The following RHOJ variants were observed in gnomAD, a reference collection of about 807,000 sequenced individuals.
The protein encoded by RHOJ is rho-related GTP-binding protein RhoJ.
RHOJ carries 11 observed loss-of-function variants against 23.4 expected under a neutral mutation model. The observed-to-expected ratio is 0.47, with a 90% CI of 0.30 to 0.78. The LOEUF (loss-of-function observed/expected upper bound fraction) is 0.78, where lower values mean the gene tolerates loss of function less well. Among genes scored for constraint, RHOJ ranks in the 30% least tolerant of loss-of-function variants. The probability of loss-of-function intolerance (pLI) is 0.08; values close to 1 mark genes in which losing one functional copy is unlikely to be tolerated. For synonymous variants in RHOJ, 102 were observed against 102.7 expected (o/e 0.99, Z 0.04); for missense variants, 254 against 273.4 (o/e 0.93, Z 0.50).
Position 63,291,079 on chromosome 14 carries a change from C to G in RHOJ, c.*55C>G. 1 of 1,602,546 alleles carries G rather than the reference C, an allele frequency of 6.2e-7. No individual in the cohort carries two copies. The highest frequency in any genetic ancestry group is 8.5e-7 in the Non-Finnish European group (1 of 1,172,294). ...CAGGGATGAGAATGGCAGCCAATCT[C>G]TGTGGCCAAGCTCCAGCCAAAAAGG... On this transcript the variant is annotated 3_prime_UTR_variant, in exon 5 of 5. Transcript: ENST00000316754.
chr14:63,284,991 A>T (rs1212223891), intron 4 of RHOJ, among the ~76,000 whole-genome samples: 1 of 152,202 alleles, frequency 6.6e-6, no homozygotes, highest in Non-Finnish European at 1.5e-5. Context: ...TAGCTTACAA[A>T]ATCCAATTTA....
intron 1 of RHOJ, among the ~76,000 whole-genome samples, chr14:63,246,190 C>G (rs527418703): frequency 1.3e-5 from 2 of 152,282 alleles, no homozygotes; most frequent in South Asian, 4.1e-4. Context: ...CACATCCTCT[C>G]TACTCACCAC....
intron 1 of RHOJ, among the ~76,000 whole-genome samples, chr14:63,216,730 T>C (rs1344565196): frequency 6.6e-6 from 1 of 152,194 alleles, no homozygotes; most frequent in Non-Finnish European, 1.5e-5. Context: ...TTAACCAAAC[T>C]TTTCAAAAGA....
In RHOJ at chr14:63,293,423, A is replaced by T. The variant is rs1018487130; in HGVS notation, c.*2399A>T. ...CACGTCACCCAGAACCAGCAACTGG[A>T]TAGAGACTGTTGTTAGTGTCTGGGT... is the stretch of plus-strand genomic sequence containing the variant. On this transcript the variant is annotated 3_prime_UTR_variant, in exon 5 of 5. Transcript: ENST00000316754. Among the ~76,000 whole-genome samples the T allele has an allele frequency of 6.6e-6, 1 of 152,208 alleles. No homozygotes were observed. Among genetic ancestry groups the T allele is most frequent in the African/African-American group, 2.4e-5 (1 of 41,454 alleles).
chr14:63,268,962 T>A (rs1255496079), intron 1 of RHOJ, 148 bp from the exon 2 acceptor site: 1 of 599,220 alleles, frequency 1.7e-6, no homozygotes, highest in Non-Finnish European at 3.0e-6. Flanking sequence ...GAAATTATGC[T>A]GTCAACTTGG....
chr14:63,273,355 T>C (rs1379868120), intron 2 of RHOJ, among the ~76,000 whole-genome samples: 2 of 152,234 alleles, frequency 1.3e-5, no homozygotes, highest in African/African-American at 4.8e-5. Flanking sequence ...GACATATCCC[T>C]AGTAGTGTGT....
intron 1 of RHOJ, among the ~76,000 whole-genome samples, chr14:63,219,477 C>G (rs1230368260): frequency 6.6e-6 from 1 of 151,900 alleles, no homozygotes; most frequent in East Asian, 1.9e-4. Flanking sequence ...TTGCCTTCTA[C>G]TTCTTTTTTA....
At chr14:63,205,234 A>G (rs1288420715) in intron 1 of RHOJ, among the ~76,000 whole-genome samples, 187 bp downstream of exon 1, 1 of 152,220 alleles carries the variant, frequency 6.6e-6, no homozygotes, top group Non-Finnish European at 1.5e-5. Flanking sequence ...ATCAATGTGT[A>G]TGGTAACACT....
rs1476183240 is a variant in RHOJ at position 63,211,939 on chromosome 14, C to T, written c.178+6892C>T. ...TAAAAGAGCCACTGTTAGTTAGGACCTGCTATTAACAAGTAAACCAAACAT... is the reference window on the plus strand; with the variant it reads ...TAAAAGAGCCACTGTTAGTTAGGACTTGCTATTAACAAGTAAACCAAACAT... On this transcript the variant is annotated intron_variant, in intron 1 of 4. Transcript: ENST00000316754. Among the ~76,000 whole-genome samples the T allele has an allele frequency of 2.0e-5, 3 of 152,172 alleles. No individual in the cohort carries two copies. In the East Asian group the frequency reaches 5.8e-4, roughly 29 times the overall value.
chr14:63,218,888 T>C, intron 1 of RHOJ, among the ~76,000 whole-genome samples: 1 of 152,128 alleles, frequency 6.6e-6, no homozygotes, highest in Non-Finnish European at 1.5e-5. Flanking sequence ...ATCATAAAAG[T>C]TTTTATATGT....
chr14:63,247,425 T>G (rs149375145), intron 1 of RHOJ, among the ~76,000 whole-genome samples: 20 of 152,232 alleles, frequency 1.3e-4, no homozygotes, highest in African/African-American at 4.3e-4. Flanking sequence ...TTCTCTTTCC[T>G]GTAGCCCTAC....
intron 4 of RHOJ, among the ~76,000 whole-genome samples, chr14:63,290,225 G>C (rs1882204572): frequency 6.6e-6 from 1 of 152,146 alleles, no homozygotes; most frequent in Non-Finnish European, 1.5e-5. Context: ...TGGGCAACAA[G>C]AGCGAAATCC....
chr14:63,223,616 C>T (rs145462342), intron 1 of RHOJ, among the ~76,000 whole-genome samples: 2 of 152,066 alleles, frequency 1.3e-5, no homozygotes, highest in African/African-American at 4.8e-5. Flanking sequence ...AATATCCCAA[C>T]CTTGAATTTC....
At chr14:63,225,718 G>A (rs1894581494) in intron 1 of RHOJ, among the ~76,000 whole-genome samples, 1 of 152,182 alleles carries the variant, frequency 6.6e-6, no homozygotes, top group Non-Finnish European at 1.5e-5. Flanking sequence ...ACAACAGTGG[G>A]AAGTAGAAAG....
At chr14:63,234,701 A>T (rs977964116) in intron 1 of RHOJ, among the ~76,000 whole-genome samples, 1 of 152,086 alleles carries the variant, frequency 6.6e-6, no homozygotes, top group African/African-American at 2.4e-5. Flanking sequence ...CATTAACATA[A>T]TTTTTCTCAC....
At chr14:63,211,198 AAT>A (rs1442319035) in intron 1 of RHOJ, among the ~76,000 whole-genome samples, 3 of 152,138 alleles carry the variant, frequency 2.0e-5, no homozygotes, top group Admixed American at 1.3e-4. Flanking sequence ...AGGGGGAAAA[AAT>A]AACATAATTA....
chr14:63,212,910 C>G (rs758878554), intron 1 of RHOJ, among the ~76,000 whole-genome samples: 61 of 152,198 alleles, frequency 4.0e-4, no homozygotes, highest in Non-Finnish European at 6.0e-4. Context: ...CCAGGTTTCA[C>G]AAACAATAGT....
chr14:63,245,561 G>A (rs1023960566), intron 1 of RHOJ, among the ~76,000 whole-genome samples: 7 of 152,134 alleles, frequency 4.6e-5, no homozygotes, highest in Non-Finnish European at 7.4e-5. Context: ...AGGGGGCTGA[G>A]GAGGGAGGAT....
rs150950329 is a variant in RHOJ at position 63,254,402 on chromosome 14, G to A, written c.179-14708G>A. On this transcript the variant is annotated intron_variant, in intron 1 of 4. Coordinates refer to ENST00000316754, the MANE Select transcript of RHOJ (RefSeq NM_020663.5). ...TGAGATCCCTAGCAGAGCTTTATCC[G>A]TTTGATGTGATCCCCTGAGAAATGT... Among the ~76,000 whole-genome samples the A allele has an allele frequency of 1.4e-3, 219 of 152,176 alleles. 3 individuals are homozygous for A. The South Asian group carries it at 0.015, about 10-fold the overall frequency.
Sources: allele counts gnomAD v4.1 joint callset (sites outside exome capture counted in the v4.1 genomes callset), GRCh38; gene constraint gnomAD v4.1.1; transcripts MANE v1.5; gene names NCBI Gene and HGNC (gene_info 2026-07-23, HGNC 2026-07-21).